SLC9B1: variants seen among roughly 807,000 people sequenced by gnomAD.
SLC9B1 encodes the protein solute carrier family 9 member B1, also known as sodium/hydrogen exchanger 9B1.
A neutral mutation model predicts 51.7 loss-of-function variants in SLC9B1; 32 were observed. That is an observed-to-expected ratio of 0.62 (90% confidence interval 0.47 to 0.83). The LOEUF (loss-of-function observed/expected upper bound fraction) is 0.83, where lower values mean the gene tolerates loss of function less well. Ranked by LOEUF, SLC9B1 falls within the 40% of genes least tolerant of loss-of-function variation. The pLI, the probability that SLC9B1 is intolerant of heterozygous loss-of-function variation, is 0.00. For synonymous variants in SLC9B1, 145 were observed against 212.7 expected (o/e 0.68, Z 2.77); for missense variants, 406 against 613.2 (o/e 0.66, Z 3.57).
chr4:102,902,388 A>G (rs1374709449), intron 11 of SLC9B1, among the ~76,000 whole-genome samples: 2 of 152,182 alleles, frequency 1.3e-5, no homozygotes, highest in Non-Finnish European at 2.9e-5. Flanking sequence ...TATCATTTTT[A>G]TATCGTAACT....
intron 3 of SLC9B1, among the ~76,000 whole-genome samples, chr4:102,973,500 A>G (rs1278214902): frequency 6.6e-6 from 1 of 152,186 alleles, no homozygotes; most frequent in East Asian, 1.9e-4. Flanking sequence ...TAGTAAGATT[A>G]TCTCAGATTT....
chr4:102,896,133 GAAC>G (rs1284637321), downstream of SLC9B1, among the ~76,000 whole-genome samples: 1 of 152,138 alleles, frequency 6.6e-6, no homozygotes. Flanking sequence ...GGAACTCTGT[GAAC>G]TATAGACTCC....
chr4:103,017,568 T>C (rs748180384), intron 1 of SLC9B1, among the ~76,000 whole-genome samples: 4 of 152,208 alleles, frequency 2.6e-5, no homozygotes, highest in Non-Finnish European at 4.4e-5. Flanking sequence ...CTTTCCTTCC[T>C]TAGGGCTCTT....
intron 3 of SLC9B1, chr4:102,962,683 G>A (rs563326890): frequency 1.3e-5 from 6 of 469,246 alleles, no homozygotes; most frequent in Non-Finnish European, 2.2e-5. Context: ...GTGATACTGT[G>A]TATTTCACTC....
At chr4:102,990,234 C>G (rs1578405104) in intron 2 of SLC9B1, among the ~76,000 whole-genome samples, 1 of 151,948 alleles carries the variant, frequency 6.6e-6, no homozygotes, top group East Asian at 1.9e-4. Context: ...TTAAAAGTGT[C>G]CATCCTCTGT....
Position 102,936,778 on chromosome 4 carries a change from G to C in SLC9B1, c.654-4479C>G, listed in dbSNP as rs1736744548. On this transcript the variant is annotated intron_variant, in intron 6 of 11. Transcript: ENST00000296422. ...AAAGAGACCAAACATATGACTCAAG[G>C]CATCACTCAAAGAAAGGGAGAAAGA... 1.3e-5 allele frequency among the ~76,000 whole-genome samples: 2 copies of C among 152,118 alleles called. 1 individual carries two copies. Among genetic ancestry groups the C allele is most frequent in the Admixed American group, 1.3e-4 (2 of 15,270 alleles).
At chr4:102,897,709 T>G (rs1734604624), downstream of SLC9B1, 1 of 441,590 alleles carries the variant, frequency 2.3e-6, no homozygotes, top group Admixed American at 2.6e-5. Flanking sequence ...AAGCCACTCC[T>G]AGCTCACTAC....
At chr4:103,013,194 C>T (rs926335354) in intron 1 of SLC9B1, among the ~76,000 whole-genome samples, 3 of 152,132 alleles carry the variant, frequency 2.0e-5, no homozygotes, top group Non-Finnish European at 4.4e-5. Context: ...TTCTTTTGAC[C>T]CAACATTTCA....
intron 1 of SLC9B1, among the ~76,000 whole-genome samples, chr4:102,995,263 TG>T (rs1285287082): frequency 6.6e-6 from 1 of 151,938 alleles, no homozygotes; most frequent in African/African-American, 2.4e-5. Context: ...TCTTGTTAGG[TG>T]GAAGGGGAAG....
At chr4:102,929,331 G>A (rs551378029) in intron 7 of SLC9B1, among the ~76,000 whole-genome samples, 1 of 152,204 alleles carries the variant, frequency 6.6e-6, no homozygotes, top group East Asian at 1.9e-4. Flanking sequence ...TTGCATCTTG[G>A]CTCCCCTACT....
chr4:102,922,385 A>G (rs1352817347), intron 7 of SLC9B1, among the ~76,000 whole-genome samples: 10 of 152,266 alleles, frequency 6.6e-5, no homozygotes, highest in Admixed American at 6.5e-4. Flanking sequence ...ACAATGTACC[A>G]GAATCTCTGG....
chr4:103,005,360 G>A (rs1357590425), intron 1 of SLC9B1, among the ~76,000 whole-genome samples: 2 of 151,220 alleles, frequency 1.3e-5, no homozygotes, highest in African/African-American at 2.4e-5. Context: ...TGACAAAGAA[G>A]GACATTACAT....
chr4:103,011,960 T>C lies in SLC9B1; in HGVS notation c.-2+7639A>G, dbSNP rs570336639. Among the ~76,000 whole-genome samples, 8 of 152,298 alleles carry C rather than the reference T, an allele frequency of 5.3e-5. No individual in the cohort carries two copies. In the South Asian group the frequency reaches 1.7e-3, roughly 32 times the overall value. ...TCCTCCACTGACTTGATGAATAACA[T>C]CTGGCTTCCTTCCATCCATACTAAT... On this transcript the variant is annotated intron_variant, in intron 1 of 11. Coordinates refer to ENST00000296422, the MANE Select transcript of SLC9B1 (RefSeq NM_139173.4).
At position 103,012,466 on chromosome 4, in the gene SLC9B1, C is replaced by T. The variant is rs138160195; in HGVS notation, c.-2+7133G>A. ...ATACAGCTCTCCTCGTCTTCTGAAC[C>T]TTCATCAGAATTGCCCTTAATGCTC... On this transcript the variant is annotated intron_variant, in intron 1 of 11. Coordinates refer to ENST00000296422, the MANE Select transcript of SLC9B1 (RefSeq NM_139173.4). Among the ~76,000 whole-genome samples, 3 of 152,278 alleles carry T rather than the reference C, an allele frequency of 2.0e-5. No homozygotes were observed. The East Asian group carries it at 5.8e-4, about 29-fold the overall frequency.
chr4:102,943,034 TC>T (rs984603133), intron 6 of SLC9B1, among the ~76,000 whole-genome samples: 15 of 151,788 alleles, frequency 9.9e-5, no homozygotes, highest in African/African-American at 3.6e-4. Flanking sequence ...AATAGACACT[TC>T]CCAAAAGAAG....
chr4:102,992,919 G>C (rs997808740), intron 1 of SLC9B1, among the ~76,000 whole-genome samples: 3 of 152,146 alleles, frequency 2.0e-5, no homozygotes, highest in African/African-American at 7.2e-5. Flanking sequence ...GCAGAAGAGA[G>C]AATGAGTGCA....
At chr4:102,958,170 T>C (rs2110485223) in intron 3 of SLC9B1, among the ~76,000 whole-genome samples, 1 of 152,296 alleles carries the variant, frequency 6.6e-6, no homozygotes, top group East Asian at 1.9e-4. Context: ...GGTGAATGGA[T>C]CATGGGGGCA....
intron 3 of SLC9B1, among the ~76,000 whole-genome samples, chr4:102,966,472 G>A (rs1005681510): frequency 7.2e-5 from 11 of 152,176 alleles, no homozygotes; most frequent in African/African-American, 1.7e-4. Context: ...CCACGACTGC[G>A]TGCCACCAAG....
intron 1 of SLC9B1, 80 bp from the exon 2 acceptor site, chr4:102,991,792 T>A: frequency 1.0e-6 from 1 of 964,442 alleles, no homozygotes; most frequent in Non-Finnish European, 1.5e-6. Flanking sequence ...TTAAGTGGGA[T>A]TAATTTTTTA....
Sources: allele counts gnomAD v4.1 joint callset (sites outside exome capture counted in the v4.1 genomes callset), GRCh38; gene constraint gnomAD v4.1.1; transcripts MANE v1.5; gene names NCBI Gene and HGNC (gene_info 2026-07-23, HGNC 2026-07-21).